Variants in NAA15 observed in about 807,000 individuals in gnomAD.
NAA15 encodes N-terminal acetyltransferase.
A neutral mutation model predicts 114.0 loss-of-function variants in NAA15; 34 were observed. The observed-to-expected ratio is 0.30, with a 90% CI of 0.23 to 0.40. The LOEUF (loss-of-function observed/expected upper bound fraction) is 0.40, where lower values mean the gene tolerates loss of function less well. NAA15 is among the 10% of genes least tolerant of loss of function. The probability of loss-of-function intolerance (pLI) is 1.00; values close to 1 mark genes in which losing one functional copy is unlikely to be tolerated. For missense variants in NAA15, 658 were observed against 1,004.5 expected (o/e 0.66, Z 4.66); for synonymous variants, 340 against 338.0 (o/e 1.01, Z -0.06).
chr4:139,361,274 C>A (rs982714840), intron 13 of NAA15, among the ~76,000 whole-genome samples: 2 of 151,974 alleles, frequency 1.3e-5, no homozygotes, highest in African/African-American at 4.8e-5. Context: ...TTCCACATAC[C>A]AGCATCACAT....
chr4:139,354,392 G>C (rs937649121), intron 10 of NAA15, among the ~76,000 whole-genome samples: 3 of 152,040 alleles, frequency 2.0e-5, no homozygotes, highest in African/African-American at 7.2e-5. Flanking sequence ...TCGACCTCCT[G>C]GGCTCAAGTG....
intron 9 of NAA15, 48 bp downstream of exon 9, chr4:139,351,659 G>A (rs750258476): frequency 2.0e-6 from 2 of 992,900 alleles, no homozygotes; most frequent in African/African-American, 1.6e-5. Flanking sequence ...TCTTTGCTCG[G>A]TATTTGGAAT....
chr4:139,310,000 T>C (rs1191342284), intron 1 of NAA15, among the ~76,000 whole-genome samples: 3 of 152,106 alleles, frequency 2.0e-5, no homozygotes, highest in Non-Finnish European at 4.4e-5. Context: ...GGGGCGGGCA[T>C]GGTGCTCGGT....
intron 10 of NAA15, 147 bp from the exon 11 acceptor site, chr4:139,357,239 A>T (rs949012715): frequency 3.0e-6 from 2 of 677,588 alleles, no homozygotes; most frequent in African/African-American, 3.7e-5. Context: ...CAAAGATCTT[A>T]TAAACTTAGG....
intron 10 of NAA15, among the ~76,000 whole-genome samples, chr4:139,355,134 C>T (rs1368868996): frequency 6.6e-6 from 1 of 152,036 alleles, no homozygotes; most frequent in Non-Finnish European, 1.5e-5. Flanking sequence ...CTGCTTCGGC[C>T]TCCCAAAGTC....
At chr4:139,384,246 G>A (rs1420170238) in intron 17 of NAA15, among the ~76,000 whole-genome samples, 1 of 152,202 alleles carries the variant, frequency 6.6e-6, no homozygotes, top group Admixed American at 6.5e-5. Context: ...GGAGGCCAAG[G>A]TGAACAGATC....
At chr4:139,311,135 C>T (rs1456073627) in intron 1 of NAA15, among the ~76,000 whole-genome samples, 1 of 151,786 alleles carries the variant, frequency 6.6e-6, no homozygotes, top group African/African-American at 2.4e-5. Context: ...CCTTGGCTAG[C>T]AGTCAGTCCT....
chr4:139,355,190 T>C (rs1747908834), intron 10 of NAA15, among the ~76,000 whole-genome samples: 1 of 152,204 alleles, frequency 6.6e-6, no homozygotes, highest in Admixed American at 6.5e-5. Context: ...AAATTAATAC[T>C]TTCTTAATAA....
At chr4:139,370,623 T>G (rs1283533039) in intron 15 of NAA15, among the ~76,000 whole-genome samples, 1 of 152,206 alleles carries the variant, frequency 6.6e-6, no homozygotes, top group African/African-American at 2.4e-5. Context: ...TCATATAGTA[T>G]AGTATGGTGG....
chr4:139,385,803 T>C (rs1269293831), intron 18 of NAA15, among the ~76,000 whole-genome samples: 4 of 152,206 alleles, frequency 2.6e-5, no homozygotes, highest in Non-Finnish European at 5.9e-5. Flanking sequence ...AAGAAGACTA[T>C]CATGGTCCTA....
At position 139,301,767 on chromosome 4, in the gene NAA15, C is replaced by G; in HGVS notation, c.-11C>G. The G allele has an allele frequency of 6.4e-7, 1 of 1,567,614 alleles. No individual in the cohort carries two copies. The highest frequency in any genetic ancestry group is 1.2e-5 in the South Asian group (1 of 85,700). On this transcript the variant is annotated 5_prime_UTR_variant, in exon 1 of 20. Transcript: ENST00000296543. ...CGGGTGGTGGCGGGAGCAGCGGGAG[C>G]AGCCGGAACGATGCCGGCCGTGAGC...
intron 1 of NAA15, among the ~76,000 whole-genome samples, chr4:139,313,863 A>G (rs967544076): frequency 6.6e-6 from 1 of 151,886 alleles, no homozygotes; most frequent in Admixed American, 6.6e-5. Context: ...TAAATGCTTT[A>G]TATACAGGTA....
intron 13 of NAA15, 101 bp from the exon 14 acceptor site, chr4:139,361,623 T>C: frequency 1.4e-6 from 1 of 722,636 alleles, no homozygotes; most frequent in East Asian, 2.8e-5. Flanking sequence ...TTTTACTAGT[T>C]TTTTTCATGC....
chr4:139,384,165 C>G (rs1246343395), intron 17 of NAA15, among the ~76,000 whole-genome samples: 2 of 152,152 alleles, frequency 1.3e-5, no homozygotes, highest in Non-Finnish European at 2.9e-5. Flanking sequence ...TTAGATTGTT[C>G]TGCTGACATA....
intron 13 of NAA15, among the ~76,000 whole-genome samples, chr4:139,361,320 T>A (rs949948675): frequency 2.6e-5 from 4 of 152,098 alleles, no homozygotes; most frequent in Non-Finnish European, 4.4e-5. Context: ...CAAAAAAAAA[T>A]TATCAAATAC....
At position 139,324,329 on chromosome 4, in the gene NAA15, A is replaced by G. The variant is rs1746718277; in HGVS notation, c.55-9845A>G. The stretch of plus-strand genomic sequence containing the variant: ...ATTATGTTAGATTTTGAACTAACAT[A>G]TGCAGGTGTTACAGGTAGGAGGACA... On this transcript the variant is annotated intron_variant, in intron 1 of 19. Coordinates refer to ENST00000296543, the MANE Select transcript of NAA15 (RefSeq NM_057175.5). Among the ~76,000 whole-genome samples, 4 of 152,364 alleles carry G rather than the reference A, an allele frequency of 2.6e-5. No individual in the cohort carries two copies. In the South Asian group the frequency reaches 8.3e-4, roughly 32 times the overall value.
Position 139,301,633 on chromosome 4 carries a change from G to A in NAA15, c.-145G>A. 2.3e-6 allele frequency: 2 copies of A among 865,090 alleles called. No individual in the cohort carries two copies. The highest frequency in any genetic ancestry group is 3.6e-6 in the Non-Finnish European group (2 of 563,312). The allele number at this position is 865,090 out of a possible 1,614,324, so 53.6% of individuals were successfully genotyped here. On this transcript the variant is annotated 5_prime_UTR_variant, in exon 1 of 20. Coordinates refer to ENST00000296543, the MANE Select transcript of NAA15 (RefSeq NM_057175.5). The stretch of plus-strand genomic sequence containing the variant: ...AGGAAAAAGGAGGTGTCCGGGTAGG[G>A]CAACGCGGCGACACCCGAGGCCTGG...
At chr4:139,331,520 C>T (rs1481083434) in intron 1 of NAA15, among the ~76,000 whole-genome samples, 1 of 151,218 alleles carries the variant, frequency 6.6e-6, no homozygotes, top group African/African-American at 2.4e-5. Context: ...CATCTTGGCT[C>T]ACTGCAGCCT....
chr4:139,365,841 C>G (rs1310135363), intron 14 of NAA15, among the ~76,000 whole-genome samples: 1 of 151,820 alleles, frequency 6.6e-6, no homozygotes, highest in African/African-American at 2.4e-5. Context: ...AGAGTGAGAC[C>G]CTGTTTCAAA....
Sources: gnomAD v4.1 joint callset for allele counts (sites outside exome capture counted in the v4.1 genomes callset) on GRCh38, gnomAD v4.1.1 for gene constraint, MANE v1.5 for transcripts, NCBI Gene and HGNC (gene_info 2026-07-23, HGNC 2026-07-21) for gene names.